ZNF385D: variants seen among roughly 807,000 people sequenced by gnomAD.
ZNF385D encodes the protein zinc finger protein 385D, also known as zinc finger protein 659.
ZNF385D carries 15 observed loss-of-function variants against 35.8 expected under a neutral mutation model. The ratio of observed to expected loss-of-function variants is 0.42; its 90% CI spans 0.28 to 0.64. The LOEUF is 0.64. Ranked by LOEUF, ZNF385D falls within the 30% of genes least tolerant of loss-of-function variation. ZNF385D has a pLI of 0.23. For synonymous variants in ZNF385D, 212 were observed against 186.8 expected (o/e 1.13, Z -1.10); for missense variants, 474 against 494.6 (o/e 0.96, Z 0.39).
At chr3:22,082,753 G>A (rs901687963) in intron 3 of ZNF385D, among the ~76,000 whole-genome samples, 4 of 152,216 alleles carry the variant, frequency 2.6e-5, no homozygotes, top group African/African-American at 9.6e-5. Flanking sequence ...GCCTCCACAA[G>A]TGGGTCCCTA....
chr3:22,015,807 T>C (rs1386051108), intron 3 of ZNF385D, among the ~76,000 whole-genome samples: 2 of 152,122 alleles, frequency 1.3e-5, no homozygotes, highest in Non-Finnish European at 2.9e-5. Context: ...GATTCATGCT[T>C]ATGCTTTTGA....
intron 4 of ZNF385D, among the ~76,000 whole-genome samples, chr3:21,477,179 A>G (rs778298725): frequency 7.9e-5 from 12 of 152,162 alleles, no homozygotes; most frequent in Admixed American, 6.6e-4. Flanking sequence ...CAGGAGTTCA[A>G]AACCAGCCTG....
chr3:21,736,433 G>A (rs1253864214), intron 1 of ZNF385D, among the ~76,000 whole-genome samples: 1 of 152,132 alleles, frequency 6.6e-6, no homozygotes, highest in African/African-American at 2.4e-5. Flanking sequence ...TATAAATGTG[G>A]TTTTGCCTCT....
intron 3 of ZNF385D, among the ~76,000 whole-genome samples, chr3:21,538,215 A>C (rs1239113136): frequency 6.6e-6 from 1 of 152,072 alleles, no homozygotes; most frequent in East Asian, 1.9e-4. Flanking sequence ...AAACAAGTGC[A>C]GATATTGAGT....
chr3:22,118,695 G>C (rs1702934122), intron 3 of ZNF385D, among the ~76,000 whole-genome samples: 1 of 152,052 alleles, frequency 6.6e-6, no homozygotes, highest in Non-Finnish European at 1.5e-5. Context: ...AGAGCAGATA[G>C]CTGTTTTGTC....
chr3:22,113,513 T>C (rs544074174), intron 3 of ZNF385D, among the ~76,000 whole-genome samples: 1 of 152,206 alleles, frequency 6.6e-6, no homozygotes. Context: ...AAATTAGATC[T>C]ATAATAAACA....
chr3:21,677,444 T>C (rs2066764365), intron 1 of ZNF385D, among the ~76,000 whole-genome samples: 1 of 152,092 alleles, frequency 6.6e-6, no homozygotes. Flanking sequence ...CAACTCAGGC[T>C]GAGCCAGAAT....
Position 22,090,356 on chromosome 3 carries a change from T to C in ZNF385D, c.325+78461A>G, listed in dbSNP as rs535189761. ...ACATCACAATTAATTAATCAAACTA[T>C]TGCCTGTGGTATATTGTGATAAAGT... On this transcript the variant is annotated intron_variant, in intron 3 of 5. Transcript: ENST00000494108. Among the ~76,000 whole-genome samples the C allele has an allele frequency of 1.2e-3, 180 of 152,230 alleles. 1 individual carries two copies. The highest frequency in any genetic ancestry group is 2.1e-3 in the Non-Finnish European group (146 of 68,010).
At chr3:21,738,596 T>A (rs1333946452) in intron 1 of ZNF385D, among the ~76,000 whole-genome samples, 1 of 152,198 alleles carries the variant, frequency 6.6e-6, no homozygotes, top group Non-Finnish European at 1.5e-5. Context: ...CAAATTCACA[T>A]CCCTATCTCA....
intron 1 of ZNF385D, among the ~76,000 whole-genome samples, chr3:21,722,579 G>A (rs2068588050): frequency 6.6e-6 from 1 of 152,222 alleles, no homozygotes; most frequent in Non-Finnish European, 1.5e-5. Context: ...GCGCCACAGT[G>A]CCTCTGATAT....
intron 3 of ZNF385D, among the ~76,000 whole-genome samples, chr3:21,834,045 T>C (rs1695168766): frequency 6.6e-6 from 1 of 152,244 alleles, no homozygotes; most frequent in Middle Eastern, 3.4e-3. Flanking sequence ...AAATATTTTA[T>C]ATATGTGACC....
intron 3 of ZNF385D, among the ~76,000 whole-genome samples, chr3:22,128,511 A>G (rs144752921): frequency 9.0e-4 from 137 of 152,084 alleles, no homozygotes; most frequent in Non-Finnish European, 1.7e-3. Flanking sequence ...AATAACTCTT[A>G]TGTTTGCACT....
intron 3 of ZNF385D, among the ~76,000 whole-genome samples, chr3:22,102,670 A>G (rs1701999405): frequency 6.6e-6 from 1 of 152,106 alleles, no homozygotes; most frequent in South Asian, 2.1e-4. Context: ...GAATAAAGAA[A>G]AAGAATAAAG....
At chr3:22,113,460 T>C (rs1702643858) in intron 3 of ZNF385D, among the ~76,000 whole-genome samples, 5 of 152,078 alleles carry the variant, frequency 3.3e-5, no homozygotes, top group Admixed American at 2.6e-4. Context: ...TTCAAATGAA[T>C]TGATGAACTT....
rs1553622610 is a variant in ZNF385D, at chr3:21,608,023, G to GTTTTTTTTTGGTTTTTTTTTTTTTT, written c.166-43340_166-43339insAAAAAAAAAAAAAACCAAAAAAAAA. Among the ~76,000 whole-genome samples the GTTTTTTTTTGGTTTTTTTTTTTTTT allele has an allele frequency of 1.3e-4, 16 of 120,234 alleles. 2 individuals are homozygous for GTTTTTTTTTGGTTTTTTTTTTTTTT. The highest frequency in any genetic ancestry group is 2.9e-4 in the South Asian group (1 of 3,408). 78.9% of individuals were successfully genotyped at this position (120,234 alleles called of 152,430 possible). A position where few individuals can be genotyped will look rare whatever the true frequency, so the allele number is the denominator to read the frequency against. On this transcript the variant is annotated intron_variant, in intron 2 of 7. Coordinates refer to ENST00000281523, the MANE Select transcript of ZNF385D (RefSeq NM_024697.3). ...TAATTCTTTTTCTTCTTTTTTTTTTGTTTTTTTTTTTTGAGTCTTGCTGTC... is the reference window on the plus strand; with the variant it reads ...TAATTCTTTTTCTTCTTTTTTTTTTGTTTTTTTTTGGTTTTTTTTTTTTTTTTTTTTTTTTTTGAGTCTTGCTGTC...
At chr3:21,940,178 G>A (rs1701446425) in intron 3 of ZNF385D, among the ~76,000 whole-genome samples, 1 of 152,036 alleles carries the variant, frequency 6.6e-6, no homozygotes, top group African/African-American at 2.4e-5. Flanking sequence ...GGTGTCTACT[G>A]ATATTTCTCT....
chr3:21,703,857 T>C (rs934617079), intron 1 of ZNF385D, among the ~76,000 whole-genome samples: 3 of 151,892 alleles, frequency 2.0e-5, no homozygotes, highest in African/African-American at 2.4e-5. Context: ...TCCTGTATGG[T>C]CAACTCTCAC....
intron 3 of ZNF385D, among the ~76,000 whole-genome samples, chr3:22,067,764 C>T (rs1461476654): frequency 6.6e-6 from 1 of 152,206 alleles, no homozygotes; most frequent in African/African-American, 2.4e-5. Flanking sequence ...TGGCTCACGC[C>T]TGTAATTCCA....
intron 2 of ZNF385D, among the ~76,000 whole-genome samples, chr3:22,302,965 C>T (rs572929217): frequency 2.6e-5 from 4 of 151,982 alleles, no homozygotes; most frequent in East Asian, 3.9e-4. Flanking sequence ...ATCATAGAAA[C>T]GTGTAAAATT....
Sources: gnomAD v4.1 joint callset for allele counts (sites outside exome capture counted in the v4.1 genomes callset) on GRCh38, gnomAD v4.1.1 for gene constraint, MANE v1.5 for transcripts, NCBI Gene and HGNC (gene_info 2026-07-23, HGNC 2026-07-21) for gene names.